Variants in INTS6 observed in about 807,000 individuals in gnomAD.
INTS6 encodes the protein DEAD box protein.
Under a neutral mutation model 104.9 loss-of-function variants are expected in INTS6, and 16 were observed. The observed-to-expected ratio is 0.15, with a 90% CI of 0.10 to 0.23. INTS6 has a LOEUF of 0.23. Among genes scored for constraint, INTS6 ranks in the 10% least tolerant of loss-of-function variants. The pLI, the probability that INTS6 is intolerant of heterozygous loss-of-function variation, is 1.00. For missense variants in INTS6, 584 were observed against 1,062.8 expected (o/e 0.55, Z 6.26); for synonymous variants, 324 against 358.7 (o/e 0.90, Z 1.09).
chr13:51,362,156 T>C lies in INTS6; in HGVS notation c.*3596A>G, dbSNP rs1955591505. 1 of 990,578 alleles carries C rather than the reference T, an allele frequency of 1.0e-6. No homozygotes were observed. The highest frequency in any genetic ancestry group is 1.4e-6 in the Non-Finnish European group (1 of 723,570). 61.4% of individuals were successfully genotyped at this position (990,578 alleles called of 1,614,324 possible). On this transcript the variant is annotated 3_prime_UTR_variant, in exon 18 of 18. Transcript: ENST00000311234. ...ATGTAGATTTTTTTTTTTAATGCTATAGGTTTCTACTTCTGAAGACACTTG... is the reference window on the plus strand; with the variant it reads ...ATGTAGATTTTTTTTTTTAATGCTACAGGTTTCTACTTCTGAAGACACTTG...
At chr13:51,433,888 T>C (rs910939655) in intron 3 of INTS6, among the ~76,000 whole-genome samples, 2 of 152,208 alleles carry the variant, frequency 1.3e-5, no homozygotes, top group African/African-American at 4.8e-5. Context: ...AATAAAGCAC[T>C]TATCTCATTT....
At chr13:51,450,134 T>C (rs1384676427) in intron 3 of INTS6, 2 of 984,906 alleles carry the variant, frequency 2.0e-6, no homozygotes, top group Non-Finnish European at 2.4e-6. Flanking sequence ...ATACAACATA[T>C]ACCCAATATA....
chr13:51,362,073 A>G lies in INTS6; in HGVS notation c.*3679T>C. ...GAAAGGGGACTATTTCGTAAGTACA[A>G]AGGAAACTTATCCTCCATGTTTTTT... is the stretch of plus-strand genomic sequence containing the variant. On this transcript the variant is annotated 3_prime_UTR_variant, in exon 18 of 18. Transcript: ENST00000311234. 1 of 1,552,198 alleles carries G rather than the reference A, an allele frequency of 6.4e-7. No individual in the cohort carries two copies. Among genetic ancestry groups the G allele is most frequent in the South Asian group, 1.2e-5 (1 of 80,194 alleles).
intron 3 of INTS6, chr13:51,450,117 T>C: frequency 1.0e-6 from 1 of 985,360 alleles, no homozygotes; most frequent in Non-Finnish European, 1.2e-6. Context: ...CTGTGGGACT[T>C]GGGAAAATAC....
In INTS6 at chr13:51,361,614, GAA is replaced by G. The variant is rs1193292451; in HGVS notation, c.*4136_*4137del. ...AGGAATTTATTCCATGGAATGTGTTGAAAACAGGAGACAGGATTGGCTAAATG... is the reference window on the plus strand; with the variant it reads ...AGGAATTTATTCCATGGAATGTGTTGAACAGGAGACAGGATTGGCTAAATG... On this transcript the variant is annotated 3_prime_UTR_variant, in exon 18 of 18. Coordinates refer to ENST00000311234, the MANE Select transcript of INTS6 (RefSeq NM_012141.3). 4 of 597,876 alleles carry G rather than the reference GAA, an allele frequency of 6.7e-6. No individual in the cohort carries two copies. The highest frequency in any genetic ancestry group is 1.2e-5 in the Non-Finnish European group (4 of 345,198). 37.0% of individuals were successfully genotyped at this position (597,876 alleles called of 1,614,324 possible). A position where few individuals can be genotyped will look rare whatever the true frequency, so the allele number is the denominator to read the frequency against.
In INTS6 at chr13:51,362,318, T is replaced by C. The variant is rs1955595448; in HGVS notation, c.*3434A>G. ...TCCTCTTGTGATCCTAGTATTCTAATGAATGCACCTGGATTTCTATACTGT... is the reference window on the plus strand; with the variant it reads ...TCCTCTTGTGATCCTAGTATTCTAACGAATGCACCTGGATTTCTATACTGT... On this transcript the variant is annotated 3_prime_UTR_variant, in exon 18 of 18. Transcript: ENST00000311234. The C allele has an allele frequency of 4.5e-6, 1 of 221,872 alleles. No homozygotes were observed. Among genetic ancestry groups the C allele is most frequent in the African/African-American group, 2.3e-5 (1 of 42,838 alleles). 13.7% of individuals were successfully genotyped at this position (221,872 alleles called of 1,614,324 possible).
chr13:51,407,910 G>A (rs559246100), intron 4 of INTS6, among the ~76,000 whole-genome samples: 3 of 150,964 alleles, frequency 2.0e-5, no homozygotes, highest in South Asian at 2.1e-4. Context: ...CCAGCTACTC[G>A]GGAGGCTGAG....
chr13:51,406,363 A>G (rs1404847859), intron 4 of INTS6, among the ~76,000 whole-genome samples: 2 of 152,078 alleles, frequency 1.3e-5, no homozygotes, highest in Non-Finnish European at 2.9e-5. Context: ...ATTTTCCTCT[A>G]CCCAAAATGG....
At chr13:51,360,578 C>T (rs1340454546), downstream of INTS6, among the ~76,000 whole-genome samples, 8 of 152,166 alleles carry the variant, frequency 5.3e-5, no homozygotes, top group South Asian at 2.1e-4. Flanking sequence ...ATCACTTAGT[C>T]CTATTTGCTA....
rs1191141191 is a variant in INTS6, at chr13:51,452,433, C to T, written c.93G>A (p.Ala31=). The change falls in exon 1 of 18, where the codon GCG becomes GCA. Residue 31 remains alanine, a synonymous_variant. Coordinates refer to ENST00000311234, the MANE Select transcript of INTS6 (RefSeq NM_012141.3). This position sits in a 1 kb window ranked among gnomAD's most constrained non-coding sequence, Gnocchi z 4.2. ...GTTYLDTAKG[A]VETFMKLRAR... Reference sequence around the variant, plus strand: ...TCGGTACCTTCATGAAGGTCTCTACCGCGCCTTTGGCCGTGTCCAGGTAGG... The same window carrying T: ...TCGGTACCTTCATGAAGGTCTCTACTGCGCCTTTGGCCGTGTCCAGGTAGG... 2 of 1,610,650 alleles carry T rather than the reference C, an allele frequency of 1.2e-6. No homozygotes were observed. The highest frequency in any genetic ancestry group is 2.2e-5 in the South Asian group (2 of 91,004).
the INTS6 span, among the ~76,000 whole-genome samples, chr13:51,338,183 C>T: frequency 6.6e-5 from 10 of 152,320 alleles, no homozygotes; most frequent in African/African-American, 2.4e-4. Flanking sequence ...CTTCTCTCCA[C>T]TGCTACCACT....
chr13:51,423,031 T>C, intron 4 of INTS6: 1 of 1,269,492 alleles, frequency 7.9e-7, no homozygotes, highest in East Asian at 5.6e-5. Flanking sequence ...TTTACTTGCC[T>C]GTCTTCAAAG....
rs536129705 is a variant in INTS6 at position 51,388,147 on chromosome 13, AAAAT to A, written c.740-611_740-608del. ...TCTAAACAAAGCATTAAAATAATTT[AAAAT>A]AAATACACTGTAACAATTAAAATTT... is the stretch of plus-strand genomic sequence containing the variant. On this transcript the variant is annotated intron_variant, in intron 6 of 17. Coordinates refer to ENST00000311234, the MANE Select transcript of INTS6 (RefSeq NM_012141.3). Among the ~76,000 whole-genome samples, 105 of 152,344 alleles carry A rather than the reference AAAAT, an allele frequency of 6.9e-4. 1 individual carries two copies. Among genetic ancestry groups the A allele is most frequent in the Non-Finnish European group, 1.3e-3 (88 of 68,036 alleles).
chr13:51,438,339 G>T (rs1258620391), intron 3 of INTS6: 1 of 150,744 alleles, frequency 6.6e-6, no homozygotes, highest in Non-Finnish European at 1.5e-5. Flanking sequence ...CATAATACTT[G>T]TGCCTATCAT....
chr13:51,429,755 CTCTGTCTCAAAAAAAA>C (rs1271054485), intron 4 of INTS6, among the ~76,000 whole-genome samples: 18 of 87,244 alleles, frequency 2.1e-4, no homozygotes, highest in Non-Finnish European at 3.5e-4. Context: ...CAGAGTGAGA[CTCTGTCTCAAAAAAAA>C]AAAAAAAAAA....
downstream of INTS6, among the ~76,000 whole-genome samples, chr13:51,356,942 T>C (rs1436762053): frequency 1.3e-5 from 2 of 152,160 alleles, no homozygotes; most frequent in Non-Finnish European, 2.9e-5. Context: ...CATGCCAGTC[T>C]GTTAATTTTC....
In INTS6 at chr13:51,430,232, T is replaced by C. The variant is rs571791360; in HGVS notation, c.429+62A>G. 25 of 1,402,300 alleles carry C rather than the reference T, an allele frequency of 1.8e-5. No homozygotes were observed. In the Admixed American group the frequency reaches 3.6e-4, roughly 20 times the overall value. The allele number at this position is 1,402,300 out of a possible 1,614,324, so 86.9% of individuals were successfully genotyped here. A position where few individuals can be genotyped will look rare whatever the true frequency, so the allele number is the denominator to read the frequency against. On this transcript the variant is annotated intron_variant, in intron 4 of 17. Transcript: ENST00000311234. ...AACCTATTAAAGGTGTTCAGTATCC[T>C]ACAAAAATAAAGGATTGTTCAACTG... is the stretch of plus-strand genomic sequence containing the variant.
intron 4 of INTS6, among the ~76,000 whole-genome samples, chr13:51,403,737 T>A (rs1333961661): frequency 6.6e-6 from 1 of 152,122 alleles, no homozygotes; most frequent in Non-Finnish European, 1.5e-5. Context: ...AATGACCTAT[T>A]TACTTCGCAG....
At chr13:51,451,809 T>A (rs1255817768) in intron 2 of INTS6, among the ~76,000 whole-genome samples, 169 bp downstream of exon 2, 1 of 141,478 alleles carries the variant, frequency 7.1e-6, no homozygotes, top group East Asian at 2.3e-4. Flanking sequence ...GCTAGGACGC[T>A]GCCGAGCGGG....
Sources: allele counts gnomAD v4.1 joint callset (sites outside exome capture counted in the v4.1 genomes callset), GRCh38; gene constraint gnomAD v4.1.1; non-coding constraint Gnocchi (gnomAD v3.1); transcripts MANE v1.5; gene names NCBI Gene and HGNC (gene_info 2026-07-23, HGNC 2026-07-21).